Variants in ARHGEF28 observed in about 807,000 individuals in gnomAD.
ARHGEF28 encodes the protein Rho guanine nucleotide exchange factor 28, also known as 190 kDa guanine nucleotide exchange factor.
A neutral mutation model predicts 206.6 loss-of-function variants in ARHGEF28; 152 were observed. That is an observed-to-expected ratio of 0.74 (90% confidence interval 0.64 to 0.84). ARHGEF28 has a LOEUF of 0.84. Among genes scored for constraint, ARHGEF28 ranks in the 40% least tolerant of loss-of-function variants. The pLI is 0.00. For synonymous variants in ARHGEF28, 763 were observed against 776.4 expected, an observed-to-expected ratio of 0.98 and a Z score of 0.29; for missense variants, 2,028 against 2,073.2, an observed-to-expected ratio of 0.98 and a Z score of 0.42.
At chr5:73,845,986 CAAAAAAAA>C (rs57600570) in intron 11 of ARHGEF28, among the ~76,000 whole-genome samples, 2 of 63,734 alleles carry the variant, frequency 3.1e-5, no homozygotes, top group African/African-American at 4.7e-5. Flanking sequence ...AAAACTGTCT[CAAAAAAAA>C]AAAAAAAAAA....
rs1042330428 is a variant in ARHGEF28 at position 73,836,975 on chromosome 5, T to C, written c.1147-3505T>C. ...GTTGAAGATTAATTGACTGTATTTA[T>C]GTGTGGGTTTATTTCTGGACTTTCT... On this transcript the variant is annotated intron_variant, in intron 10 of 35. Transcript: ENST00000513042. Among the ~76,000 whole-genome samples, 9 of 152,322 alleles carry C rather than the reference T, an allele frequency of 5.9e-5. No homozygotes were observed. In the East Asian group the frequency reaches 1.7e-3, roughly 29 times the overall value.
chr5:73,830,602 A>G (rs1243831063), intron 9 of ARHGEF28, among the ~76,000 whole-genome samples: 2 of 151,870 alleles, frequency 1.3e-5, no homozygotes, highest in South Asian at 2.1e-4. Context: ...TTAACATCGT[A>G]TGTTTCCTCC....
intron 1 of ARHGEF28, among the ~76,000 whole-genome samples, chr5:73,641,524 C>G (rs549824414): frequency 6.6e-6 from 1 of 151,846 alleles, no homozygotes; most frequent in Admixed American, 6.6e-5. Context: ...CCTAAGTACA[C>G]TGACTGTCTT....
At chr5:73,889,662 G>A (rs1160375703) in intron 26 of ARHGEF28, among the ~76,000 whole-genome samples, 2 of 152,228 alleles carry the variant, frequency 1.3e-5, no homozygotes, top group Non-Finnish European at 2.9e-5. Flanking sequence ...ATACAGCTAA[G>A]CATGGCAGCT....
In ARHGEF28 at chr5:73,749,984, G is replaced by A; in HGVS notation, c.181G>A (p.Gly61Ser). ...TAACGTTCTCCAGTCCAGCGTCCCA[G>A]GTGAGGTGTCCTCTTTGTTGTGCAG... ...EDNVLQSSVP[G>S]HGLQETVTVS... Residue 61 changes from glycine to serine, a missense_variant and splice_region_variant, in exon 3 of 36, where the codon GGC becomes AGC. Transcript: ENST00000513042. 1 of 1,613,714 alleles carries A rather than the reference G, an allele frequency of 6.2e-7. No homozygotes were observed. The highest frequency in any genetic ancestry group is 2.2e-5 in the East Asian group (1 of 44,870).
At chr5:73,931,257 C>G (rs768739300) in intron 35 of ARHGEF28, among the ~76,000 whole-genome samples, 12 of 152,138 alleles carry the variant, frequency 7.9e-5, no homozygotes, top group Non-Finnish European at 1.5e-4. Context: ...CCTGTTCTTA[C>G]TTTCTGGATA....
intron 2 of ARHGEF28, among the ~76,000 whole-genome samples, chr5:73,699,966 G>A (rs1303926043): frequency 1.3e-5 from 2 of 152,154 alleles, no homozygotes; most frequent in Non-Finnish European, 2.9e-5. Context: ...ATTCTCATCA[G>A]TAGAATCTAT....
At chr5:73,629,761 G>T (rs1422896645) in intron 1 of ARHGEF28, among the ~76,000 whole-genome samples, 1 of 152,146 alleles carries the variant, frequency 6.6e-6, no homozygotes, top group East Asian at 1.9e-4. Flanking sequence ...GTGGGCATTT[G>T]TTCCAGTGAT....
chr5:73,649,645 T>C (rs1744669734), intron 1 of ARHGEF28, among the ~76,000 whole-genome samples: 1 of 152,256 alleles, frequency 6.6e-6, no homozygotes, highest in Non-Finnish European at 1.5e-5. Context: ...TATTTAGTTA[T>C]ACTGTTTTAC....
At chr5:73,647,678 T>TA (rs1744519823) in intron 1 of ARHGEF28, among the ~76,000 whole-genome samples, 1 of 152,252 alleles carries the variant, frequency 6.6e-6, no homozygotes. Context: ...GTGGCTACCA[T>TA]ATTGGACAGA....
chr5:73,894,326 T>C, intron 28 of ARHGEF28, 67 bp from the exon 29 acceptor site: 1 of 1,444,204 alleles, frequency 6.9e-7, no homozygotes, highest in Admixed American at 2.2e-5. Flanking sequence ...ATCTTTTTCG[T>C]GGACTTTCAC....
chr5:73,839,339 A>C (rs1757843912), intron 10 of ARHGEF28, among the ~76,000 whole-genome samples: 1 of 152,214 alleles, frequency 6.6e-6, no homozygotes, highest in Non-Finnish European at 1.5e-5. Flanking sequence ...TTAAGCATTC[A>C]TTAATGGTTT....
At chr5:73,837,072 A>G (rs529837434) in intron 10 of ARHGEF28, among the ~76,000 whole-genome samples, 1 of 152,200 alleles carries the variant, frequency 6.6e-6, no homozygotes, top group East Asian at 1.9e-4. Context: ...TATCTTTGTA[A>G]TATAATTTTA....
chr5:73,690,050 T>A lies in ARHGEF28; in HGVS notation c.33+5166T>A, dbSNP rs181961177. On this transcript the variant is annotated intron_variant, in intron 2 of 35. Transcript: ENST00000513042. ...ATTATAAAGATATTTTTATTTTGGT[T>A]TTATTTTTAAATTAATTATTTTAAG... is the stretch of plus-strand genomic sequence containing the variant. Among the ~76,000 whole-genome samples the A allele has an allele frequency of 3.8e-3, 447 of 118,156 alleles. 1 individual carries two copies. Among genetic ancestry groups the A allele is most frequent in the Non-Finnish European group, 6.3e-3 (362 of 57,864 alleles). The allele number at this position is 118,156 out of a possible 152,430, so 77.5% of individuals were successfully genotyped here.
intron 35 of ARHGEF28, among the ~76,000 whole-genome samples, chr5:73,927,368 TA>T (rs932051148): frequency 6.6e-6 from 1 of 152,056 alleles, no homozygotes; most frequent in Non-Finnish European, 1.5e-5. Context: ...AAGACTGTCT[TA>T]AAAAAACCTT....
chr5:73,787,948 T>C (rs760336829), intron 7 of ARHGEF28, among the ~76,000 whole-genome samples: 6 of 152,174 alleles, frequency 3.9e-5, no homozygotes, highest in Admixed American at 2.0e-4. Flanking sequence ...ACTTAGTTTA[T>C]CAAAGGATTA....
At chr5:73,789,674 T>A (rs2112477008) in intron 7 of ARHGEF28, among the ~76,000 whole-genome samples, 1 of 152,262 alleles carries the variant, frequency 6.6e-6, no homozygotes, top group East Asian at 1.9e-4. Flanking sequence ...TCCAAGTTTT[T>A]ATTTATTTTA....
At chr5:73,855,450 G>A (rs1758960836) in intron 14 of ARHGEF28, among the ~76,000 whole-genome samples, 1 of 152,004 alleles carries the variant, frequency 6.6e-6, no homozygotes. Flanking sequence ...TTGAAGTATC[G>A]GCTGGGCGTG....
chr5:73,626,894 C>T (rs1484268253), intron 1 of ARHGEF28, among the ~76,000 whole-genome samples: 2 of 152,200 alleles, frequency 1.3e-5, no homozygotes, highest in African/African-American at 4.8e-5. Flanking sequence ...GGACTCCTTA[C>T]GCTTATTTTA....
Sources: allele counts gnomAD v4.1 joint callset (sites outside exome capture counted in the v4.1 genomes callset), GRCh38; gene constraint gnomAD v4.1.1; transcripts MANE v1.5; gene names NCBI Gene and HGNC (gene_info 2026-07-23, HGNC 2026-07-21).